The following PLEKHA1 variants were observed in gnomAD, a reference collection of about 807,000 sequenced individuals.
PLEKHA1 encodes pleckstrin homology domain containing A1, also known as pleckstrin homology domain-containing family A member 1.
PLEKHA1 carries 34 observed loss-of-function variants against 52.0 expected under a neutral mutation model. The observed-to-expected ratio is 0.65, with a 90% CI of 0.50 to 0.87. PLEKHA1 has a LOEUF of 0.87. PLEKHA1 is among the 40% of genes least tolerant of loss of function. PLEKHA1 has a pLI of 0.00. For missense variants in PLEKHA1, 497 were observed against 504.2 expected, an observed-to-expected ratio of 0.99 and a Z score of 0.14; for synonymous variants, 163 against 170.7, an observed-to-expected ratio of 0.95 and a Z score of 0.35.
At chr10:122,423,438 A>AC (rs1038112104) in intron 8 of PLEKHA1, 1 of 115,778 alleles carries the variant, frequency 8.6e-6, no homozygotes, top group Non-Finnish European at 2.1e-5. Flanking sequence ...AAAAAAAAAA[A>AC]ACAAAAAAAA....
At chr10:122,412,635 G>C in intron 5 of PLEKHA1, 1 of 320,222 alleles carries the variant, frequency 3.1e-6, no homozygotes, top group East Asian at 5.6e-5. Context: ...CCTCTTAGGT[G>C]GGGGTAGAGC....
chr10:122,376,273 A>G (rs2096533440), intron 1 of PLEKHA1, among the ~76,000 whole-genome samples: 2 of 152,006 alleles, frequency 1.3e-5, no homozygotes, highest in Admixed American at 6.6e-5. Context: ...TATTTCCCCT[A>G]GTGGAGTTAA....
intron 1 of PLEKHA1, among the ~76,000 whole-genome samples, chr10:122,386,234 C>G (rs1315884210): frequency 6.6e-6 from 1 of 151,548 alleles, no homozygotes; most frequent in Non-Finnish European, 1.5e-5. Context: ...ACTTTCCTGA[C>G]TAATTATAGT....
intron 1 of PLEKHA1, among the ~76,000 whole-genome samples, chr10:122,389,294 CAT>C (rs2096743337): frequency 6.6e-6 from 1 of 152,232 alleles, no homozygotes; most frequent in Non-Finnish European, 1.5e-5. Context: ...GTGGAAACAA[CAT>C]AATCACCTTG....
At chr10:122,416,386 C>G (rs897338504) in intron 7 of PLEKHA1, among the ~76,000 whole-genome samples, 1 of 152,134 alleles carries the variant, frequency 6.6e-6, no homozygotes, top group Non-Finnish European at 1.5e-5. Flanking sequence ...GAGGTCTCTT[C>G]CTTGTTTAGG....
rs928623484 is a variant in PLEKHA1 at position 122,430,088 on chromosome 10, A to G, written c.*150A>G. 2.0e-5 allele frequency: 17 copies of G among 866,354 alleles called. No homozygotes were observed. In the Admixed American group the frequency reaches 5.9e-4, roughly 30 times the overall value. The allele number at this position is 866,354 out of a possible 1,614,324, so 53.7% of individuals were successfully genotyped here. On this transcript the variant is annotated 3_prime_UTR_variant, in exon 12 of 12. Coordinates refer to ENST00000368990, the MANE Select transcript of PLEKHA1 (RefSeq NM_001001974.4). ...CTCTTTATAAGCTGGTAAACCAAGA[A>G]TCTAGGGAGTGGCCAAACTAAATAT...
In PLEKHA1 at chr10:122,374,767, C is replaced by T. The variant is rs1468534848; in HGVS notation, c.-60C>T. On this transcript the variant is annotated 5_prime_UTR_variant, in exon 1 of 12. Transcript: ENST00000368990. The stretch of plus-strand genomic sequence containing the variant: ...CGGGCAGCCGAGCCTCTGTGGGAGC[C>T]GGGGCCGCGGCGGCGCGGGTGCTCC... 5 of 151,848 alleles carry T rather than the reference C, an allele frequency of 3.3e-5. No individual in the cohort carries two copies. The highest frequency in any genetic ancestry group is 7.3e-5 in the African/African-American group (3 of 41,340). The allele number at this position is 151,848 out of a possible 1,614,324, so 9.4% of individuals were successfully genotyped here. A position where few individuals can be genotyped will look rare whatever the true frequency, so the allele number is the denominator to read the frequency against.
In PLEKHA1 at chr10:122,393,073, A is replaced by T; in HGVS notation, c.-20-108A>T. On this transcript the variant is annotated intron_variant, in intron 1 of 11. Transcript: ENST00000368990. The surrounding 1 kb of genome is among the most constrained non-coding windows in gnomAD (Gnocchi z 4.5). ...TGTTGGTGTGTGTTCATTTTAATTG[A>T]CCTTACCTAATGTTGGCAAGTTGCC... is the stretch of plus-strand genomic sequence containing the variant. The T allele has an allele frequency of 2.5e-6, 2 of 784,328 alleles. No individual in the cohort carries two copies. The highest frequency in any genetic ancestry group is 2.4e-5 in the South Asian group (1 of 41,510). The allele number at this position is 784,328 out of a possible 1,614,324, so 48.6% of individuals were successfully genotyped here. A position where few individuals can be genotyped will look rare whatever the true frequency, so the allele number is the denominator to read the frequency against.
At chr10:122,375,365 C>T (rs2096515377) in intron 1 of PLEKHA1, among the ~76,000 whole-genome samples, 1 of 152,256 alleles carries the variant, frequency 6.6e-6, no homozygotes, top group Non-Finnish European at 1.5e-5. Context: ...GAAGCCGGCT[C>T]CGCCCTGGGC....
intron 5 of PLEKHA1, among the ~76,000 whole-genome samples, chr10:122,406,995 A>G (rs1020869902): frequency 2.6e-5 from 4 of 152,182 alleles, no homozygotes; most frequent in African/African-American, 9.7e-5. Context: ...TTTTTCTTCC[A>G]ATATAGTGTA....
intron 7 of PLEKHA1, among the ~76,000 whole-genome samples, chr10:122,416,626 T>A (rs554664616): frequency 2.6e-5 from 4 of 152,336 alleles, no homozygotes; most frequent in Admixed American, 2.0e-4. Context: ...TCCCATATAA[T>A]CAGTTCCATG....
intron 6 of PLEKHA1, among the ~76,000 whole-genome samples, chr10:122,413,294 A>G (rs1297798728): frequency 2.0e-5 from 3 of 152,122 alleles, no homozygotes; most frequent in Non-Finnish European, 4.4e-5. Context: ...TGAGTTGTAT[A>G]TTACATTTTG....
chr10:122,379,621 A>G (rs907225416), intron 1 of PLEKHA1, among the ~76,000 whole-genome samples: 2 of 152,150 alleles, frequency 1.3e-5, no homozygotes, highest in Non-Finnish European at 2.9e-5. Context: ...TCTTCTGTCA[A>G]CTGCTCTTGC....
chr10:122,397,902 A>G lies in PLEKHA1; in HGVS notation c.142-16A>G, dbSNP rs769019908. 1 of 1,549,378 alleles carries G rather than the reference A, an allele frequency of 6.5e-7. No homozygotes were observed. The highest frequency in any genetic ancestry group is 8.9e-7 in the Non-Finnish European group (1 of 1,123,814). On this transcript the variant is annotated splice_polypyrimidine_tract_variant and intron_variant, in intron 2 of 11. Coordinates refer to ENST00000368990, the MANE Select transcript of PLEKHA1 (RefSeq NM_001001974.4). ...TAATATTGGATATTAAGTATATATTAATACTTTGTTTCTAGAACCTACCTT... is the reference window on the plus strand; with the variant it reads ...TAATATTGGATATTAAGTATATATTGATACTTTGTTTCTAGAACCTACCTT...
intron 1 of PLEKHA1, among the ~76,000 whole-genome samples, chr10:122,378,161 G>A (rs574033992): frequency 6.6e-6 from 1 of 152,222 alleles, no homozygotes; most frequent in African/African-American, 2.4e-5. Flanking sequence ...TGATGTCAGA[G>A]GGCTTCTAAT....
intron 1 of PLEKHA1, among the ~76,000 whole-genome samples, chr10:122,376,408 G>A (rs2096535048): frequency 6.6e-6 from 1 of 151,194 alleles, no homozygotes; most frequent in African/African-American, 2.4e-5. Context: ...ATTTTATACT[G>A]CCGTAAACCT....
the PLEKHA1 span, chr10:122,440,061 A>G: frequency 1.3e-5 from 2 of 152,212 alleles, no homozygotes; most frequent in African/African-American, 4.8e-5. Context: ...TGCTGTGAAG[A>G]TTGCTTATAT....
chr10:122,418,750 C>T (rs1565293644), intron 8 of PLEKHA1: 1 of 152,142 alleles, frequency 6.6e-6, no homozygotes, highest in East Asian at 1.9e-4. Context: ...GATCTGAGTC[C>T]TGAAATAGCT....
intron 1 of PLEKHA1, among the ~76,000 whole-genome samples, chr10:122,390,303 A>G (rs2133938161): frequency 6.6e-6 from 1 of 152,328 alleles, no homozygotes; most frequent in East Asian, 1.9e-4. Context: ...TCATATCAGC[A>G]ATAAAGCTGT....
Sources: allele counts gnomAD v4.1 joint callset (sites outside exome capture counted in the v4.1 genomes callset), GRCh38; gene constraint gnomAD v4.1.1; non-coding constraint Gnocchi (gnomAD v3.1); transcripts MANE v1.5; gene names NCBI Gene and HGNC (gene_info 2026-07-23, HGNC 2026-07-21).